Variants in KIT observed in about 807,000 individuals in gnomAD.
KIT encodes KIT proto-oncogene, receptor tyrosine kinase, also known as mast/stem cell growth factor receptor Kit.
KIT carries 16 observed loss-of-function variants against 105.7 expected under a neutral mutation model. The observed-to-expected ratio is 0.15, with a 90% CI of 0.10 to 0.23. KIT has a LOEUF of 0.23. KIT is among the 10% of genes least tolerant of loss of function. The probability of loss-of-function intolerance (pLI) is 1.00; values close to 1 mark genes in which losing one functional copy is unlikely to be tolerated. For synonymous variants in KIT, 438 were observed against 441.1 expected, an observed-to-expected ratio of 0.99 and a Z score of 0.09; for missense variants, 858 against 1,213.8, an observed-to-expected ratio of 0.71 and a Z score of 4.36.
At chr4:54,682,727 G>GCCGATAT (rs1266236428) in intron 1 of KIT, among the ~76,000 whole-genome samples, 2 of 150,362 alleles carry the variant, frequency 1.3e-5, no homozygotes, top group Non-Finnish European at 2.9e-5. Context: ...ACTGCGCCCG[G>GCCGATAT]CCGATATTTC....
intron 16 of KIT, among the ~76,000 whole-genome samples, chr4:54,732,861 A>G (rs1421695340): frequency 6.6e-6 from 1 of 152,206 alleles, no homozygotes; most frequent in African/African-American, 2.4e-5. Flanking sequence ...AATTGCTTTT[A>G]AAAGAGATTA....
intron 1 of KIT, 122 bp downstream of exon 1, chr4:54,658,203 C>G: frequency 2.0e-6 from 2 of 997,984 alleles, no homozygotes; most frequent in East Asian, 2.5e-5. Context: ...CCCGTGCGTT[C>G]CAGCCTCCGG....
intron 1 of KIT, among the ~76,000 whole-genome samples, chr4:54,659,881 T>A (rs1717117716): frequency 6.6e-6 from 1 of 151,998 alleles, no homozygotes; most frequent in African/African-American, 2.4e-5. Flanking sequence ...GTCTGTCTCC[T>A]GGGGGGGCAG....
chr4:54,664,783 T>A (rs1288651520), intron 1 of KIT, among the ~76,000 whole-genome samples: 1 of 151,560 alleles, frequency 6.6e-6, no homozygotes, highest in African/African-American at 2.4e-5. Context: ...ATTTTTTTAT[T>A]TCTATTTTTG....
At chr4:54,666,077 G>A (rs769345173) in intron 1 of KIT, among the ~76,000 whole-genome samples, 120 of 152,206 alleles carry the variant, frequency 7.9e-4, no homozygotes, top group Non-Finnish European at 1.0e-3. Context: ...TAGAATTGAC[G>A]AAAGCTTTGG....
chr4:54,740,225 T>G lies in KIT; in HGVS notation c.*1668T>G. On this transcript the variant is annotated 3_prime_UTR_variant, in exon 21 of 21. Coordinates refer to ENST00000288135, the MANE Select transcript of KIT (RefSeq NM_000222.3). ...AACCATTTGCACTGGAGTTCTATGCTCTCGCACCTTTCCAAAGTTAACAGA... is the reference window on the plus strand; with the variant it reads ...AACCATTTGCACTGGAGTTCTATGCGCTCGCACCTTTCCAAAGTTAACAGA... 1 of 233,608 alleles carries G rather than the reference T, an allele frequency of 4.3e-6. No individual in the cohort carries two copies. The allele number at this position is 233,608 out of a possible 1,614,324, so 14.5% of individuals were successfully genotyped here.
chr4:54,695,364 G>T (rs1719982435), intron 1 of KIT, 148 bp from the exon 2 acceptor site: 1 of 811,548 alleles, frequency 1.2e-6, no homozygotes, highest in Admixed American at 2.1e-5. Context: ...ATTTTAGACA[G>T]AACTCTCTTT....
At chr4:54,718,328 C>T (rs1393122090) in intron 7 of KIT, among the ~76,000 whole-genome samples, 1 of 152,108 alleles carries the variant, frequency 6.6e-6, no homozygotes, top group Non-Finnish European at 1.5e-5. Flanking sequence ...CTTTCTCCTG[C>T]CTTGGCCTCC....
chr4:54,685,151 A>G (rs1373770426), intron 1 of KIT, among the ~76,000 whole-genome samples: 1 of 151,878 alleles, frequency 6.6e-6, no homozygotes, highest in Non-Finnish European at 1.5e-5. Context: ...GGGCCTTGTC[A>G]TTTCTCCCTG....
At position 54,707,125 on chromosome 4, in the gene KIT, T is replaced by C; in HGVS notation, c.953T>C (p.Met318Thr). 6.4e-7 allele frequency: 1 copy of C among 1,562,326 alleles called. No individual in the cohort carries two copies. Among genetic ancestry groups the C allele is most frequent in the Non-Finnish European group, 8.8e-7 (1 of 1,133,266 alleles). ...VDKGFINIFP[M>T]INTTVFVNDG... Reference sequence around the variant, plus strand: ...AAAGGATTCATTAATATCTTCCCCATGATAAACACTACAGTATTTGTAAAC... The same window carrying C: ...AAAGGATTCATTAATATCTTCCCCACGATAAACACTACAGTATTTGTAAAC... The change falls in exon 6 of 21, where the codon ATG (methionine) becomes ACG (threonine). Residue 318 changes from methionine (M) to threonine (T), a missense_variant. Met to Thr is a moderately conservative substitution (Grantham distance 81, BLOSUM62 -1). Coordinates refer to ENST00000288135, the MANE Select transcript of KIT (RefSeq NM_000222.3).
At chr4:54,709,809 A>T (rs1721023944) in intron 7 of KIT, among the ~76,000 whole-genome samples, 1 of 152,214 alleles carries the variant, frequency 6.6e-6, no homozygotes, top group African/African-American at 2.4e-5. Flanking sequence ...CAAGTTGAAC[A>T]TACAGTTGTT....
chr4:54,686,224 A>C (rs1719304391), intron 1 of KIT, among the ~76,000 whole-genome samples: 1 of 151,944 alleles, frequency 6.6e-6, no homozygotes, highest in Non-Finnish European at 1.5e-5. Flanking sequence ...CTACTTAAAA[A>C]AAAAAACTAA....
intron 1 of KIT, among the ~76,000 whole-genome samples, chr4:54,659,592 G>A (rs1316481279): frequency 6.6e-6 from 1 of 152,116 alleles, no homozygotes; most frequent in Non-Finnish European, 1.5e-5. Context: ...CCTGTGGGGG[G>A]CAGAGAGGCC....
At chr4:54,737,609 C>G (rs75804088) in intron 20 of KIT, among the ~76,000 whole-genome samples, 5 of 152,160 alleles carry the variant, frequency 3.3e-5, no homozygotes, top group Non-Finnish European at 7.3e-5. Context: ...CTCCCTCTCA[C>G]ATGTCAGGGC....
intron 7 of KIT, among the ~76,000 whole-genome samples, chr4:54,719,651 G>C (rs558705349): frequency 3.3e-5 from 5 of 152,146 alleles, no homozygotes; most frequent in African/African-American, 9.7e-5. Flanking sequence ...AGGAATTAGA[G>C]AATGTGTCAT....
At chr4:54,684,355 C>T (rs1316786657) in intron 1 of KIT, among the ~76,000 whole-genome samples, 1 of 152,148 alleles carries the variant, frequency 6.6e-6, no homozygotes, top group Non-Finnish European at 1.5e-5. Flanking sequence ...CTGAGAGTCT[C>T]CTGAAAAGAG....
chr4:54,678,034 G>A (rs1718607441), intron 1 of KIT, among the ~76,000 whole-genome samples: 2 of 152,208 alleles, frequency 1.3e-5, no homozygotes, highest in Non-Finnish European at 2.9e-5. Flanking sequence ...TTACATTTGA[G>A]GCTCAACATA....
At chr4:54,672,414 G>A (rs1455619903) in intron 1 of KIT, among the ~76,000 whole-genome samples, 1 of 151,884 alleles carries the variant, frequency 6.6e-6, no homozygotes, top group Non-Finnish European at 1.5e-5. Flanking sequence ...TGCTAGATTT[G>A]TATTTTTGGT....
intron 1 of KIT, among the ~76,000 whole-genome samples, chr4:54,678,941 T>A (rs1240560741): frequency 1.3e-5 from 2 of 151,118 alleles, no homozygotes; most frequent in African/African-American, 4.9e-5. Flanking sequence ...CATGACCCCC[T>A]CCCCCACCTT....
Sources: allele counts gnomAD v4.1 joint callset (sites outside exome capture counted in the v4.1 genomes callset), GRCh38; gene constraint gnomAD v4.1.1; transcripts MANE v1.5; gene names NCBI Gene and HGNC (gene_info 2026-07-23, HGNC 2026-07-21).